The following MED12L variants were observed in gnomAD, a reference collection of about 807,000 sequenced individuals.
The protein encoded by MED12L is mediator of RNA polymerase II transcription subunit 12-like protein.
MED12L carries 60 observed loss-of-function variants against 281.3 expected under a neutral mutation model. The ratio of observed to expected loss-of-function variants is 0.21; its 90% CI spans 0.17 to 0.26. The LOEUF (loss-of-function observed/expected upper bound fraction) is 0.26. Among genes scored for constraint, MED12L ranks in the 10% least tolerant of loss-of-function variants. The pLI is 1.00. For synonymous variants in MED12L, 974 were observed against 987.2 expected (o/e 0.99, Z 0.25); for missense variants, 2,146 against 2,680.9 (o/e 0.80, Z 4.41).
At chr3:151,416,552 TAC>T in intron 43 of MED12L, 130 bp downstream of exon 43, 1 of 838,114 alleles carries the variant, frequency 1.2e-6, no homozygotes, top group Non-Finnish European at 1.9e-6. Flanking sequence ...CCTAGAACTT[TAC>T]TAGAGTTTTA....
chr3:151,128,353 C>T, intron 5 of MED12L, among the ~76,000 whole-genome samples: 1 of 152,220 alleles, frequency 6.6e-6, no homozygotes, highest in African/African-American at 2.4e-5. Flanking sequence ...AACTACTATA[C>T]TAATCTCCAA....
intron 42 of MED12L, among the ~76,000 whole-genome samples, chr3:151,413,924 T>G (rs1717254113): frequency 6.6e-6 from 1 of 151,744 alleles, no homozygotes; most frequent in African/African-American, 2.4e-5. Flanking sequence ...TCACCCAGGC[T>G]GGACAACCTC....
chr3:151,409,858 C>T (rs560399199), intron 40 of MED12L, among the ~76,000 whole-genome samples: 37 of 152,064 alleles, frequency 2.4e-4, no homozygotes, highest in Non-Finnish European at 4.0e-4. Context: ...CCCAGTTGCA[C>T]GGGAGGCTAA....
Position 151,086,959 on chromosome 3 carries a change from G to C in MED12L, c.33G>C (p.Gln11His). The change falls in exon 2 of 45, where the codon CAG (glutamine) becomes CAC (histidine). Residue 11 changes from glutamine (Q) to histidine (H), a missense_variant. Around this residue, in one of 9 missense-constraint regions of MED12L, gnomAD observed 44 missense variants for 39.7 expected, o/e 1.11. Transcript: ENST00000687756. MAAFGLLSYE[Q>H]RPLKRPRLGP... ...CCTTCGGGCTTCTCAGCTATGAGCA[G>C]AGACCGCTGAAGCGCCCCCGGCTCG... 1 of 1,609,548 alleles carries C rather than the reference G, an allele frequency of 6.2e-7. No homozygotes were observed. The highest frequency in any genetic ancestry group is 1.7e-5 in the Admixed American group (1 of 59,708).
chr3:151,356,988 A>G (rs543682503), intron 19 of MED12L, among the ~76,000 whole-genome samples: 28 of 152,316 alleles, frequency 1.8e-4, no homozygotes, highest in African/African-American at 6.3e-4. Flanking sequence ...CTGAAGTTTC[A>G]GTACCTTATT....
rs775657657 is a variant in MED12L, at chr3:151,372,732, A to G, written c.3830A>G (p.Tyr1277Cys). ...ISIETANLREYARYVLRTICQ... is the reference protein window; with the variant it reads ...ISIETANLRECARYVLRTICQ... ...ATAGAAACTGCCAATTTAAGAGAAT[A>G]CGCTAGATATGTACTGAGGACTATC... Residue 1277 changes from tyrosine to cysteine, a missense_variant, in exon 27 of 45, where the codon TAC (tyrosine) becomes TGC (cysteine). Transcript: ENST00000687756. 6.2e-7 allele frequency: 1 copy of G among 1,613,848 alleles called. No individual in the cohort carries two copies. The highest frequency in any genetic ancestry group is 8.5e-7 in the Non-Finnish European group (1 of 1,179,782).
chr3:151,352,394 T>C (rs1753344097), intron 17 of MED12L, among the ~76,000 whole-genome samples: 1 of 152,214 alleles, frequency 6.6e-6, no homozygotes, highest in Non-Finnish European at 1.5e-5. Context: ...TCTTTCATTT[T>C]AGATAAAGTT....
chr3:151,373,464 A>G (rs1027531991), intron 27 of MED12L, among the ~76,000 whole-genome samples: 2 of 152,038 alleles, frequency 1.3e-5, no homozygotes, highest in African/African-American at 4.8e-5. Context: ...AGACAGTGCA[A>G]ATTTTCTTCT....
intron 36 of MED12L, among the ~76,000 whole-genome samples, chr3:151,385,854 C>T (rs920010189): frequency 6.6e-6 from 1 of 152,012 alleles, no homozygotes; most frequent in African/African-American, 2.4e-5. Flanking sequence ...AGATGGTTCT[C>T]TAAAATATGA....
At chr3:151,213,859 G>A (rs775411484) in intron 16 of MED12L, 12 of 1,613,892 alleles carry the variant, frequency 7.4e-6, no homozygotes, top group Admixed American at 5.0e-5. Context: ...ATTTGGAACA[G>A]CAAGGAGGAG....
chr3:151,332,834 T>C, intron 16 of MED12L, among the ~76,000 whole-genome samples: 1 of 152,154 alleles, frequency 6.6e-6, no homozygotes, highest in Non-Finnish European at 1.5e-5. Flanking sequence ...ACAGATTATT[T>C]TGTCACCCAG....
chr3:151,397,089 T>G (rs1292695380), intron 39 of MED12L, among the ~76,000 whole-genome samples: 1 of 152,244 alleles, frequency 6.6e-6, no homozygotes, highest in African/African-American at 2.4e-5. Flanking sequence ...CTGATTCTTT[T>G]GTGCTAACTC....
At chr3:151,190,234 C>T (rs1020101102) in intron 13 of MED12L, among the ~76,000 whole-genome samples, 3 of 151,316 alleles carry the variant, frequency 2.0e-5, no homozygotes, top group East Asian at 3.9e-4. Flanking sequence ...TACAGTGGCA[C>T]GATCTTGGCT....
intron 11 of MED12L, among the ~76,000 whole-genome samples, chr3:151,169,045 T>A (rs1721062036): frequency 6.6e-6 from 1 of 152,122 alleles, no homozygotes; most frequent in Non-Finnish European, 1.5e-5. Context: ...TATATGTATA[T>A]GTAATCAAGT....
intron 16 of MED12L, among the ~76,000 whole-genome samples, chr3:151,206,640 A>ATGTTTT (rs1216609130): frequency 6.2e-5 from 1 of 16,016 alleles, no homozygotes; most frequent in African/African-American, 2.6e-4. Context: ...CTAACACATT[A>ATGTTTT]TCTTTTTTTT....
intron 11 of MED12L, among the ~76,000 whole-genome samples, chr3:151,172,836 G>A (rs769688140): frequency 4.6e-5 from 7 of 152,202 alleles, no homozygotes; most frequent in Admixed American, 1.3e-4. Context: ...AGTGTATTGT[G>A]CTTCAGAAGC....
chr3:151,303,154 G>A (rs1210914280), intron 16 of MED12L, among the ~76,000 whole-genome samples: 1 of 152,188 alleles, frequency 6.6e-6, no homozygotes, highest in Non-Finnish European at 1.5e-5. Context: ...TAAAGAATCT[G>A]TGGCTGAATG....
At chr3:151,132,748 C>T (rs984867862) in intron 5 of MED12L, among the ~76,000 whole-genome samples, 20 of 152,240 alleles carry the variant, frequency 1.3e-4, no homozygotes, top group Admixed American at 9.8e-4. Flanking sequence ...AGCATGTTTT[C>T]CAAATATCTA....
At chr3:151,356,360 C>G (rs1462764722) in intron 19 of MED12L, among the ~76,000 whole-genome samples, 1 of 151,942 alleles carries the variant, frequency 6.6e-6, no homozygotes, top group African/African-American at 2.4e-5. Flanking sequence ...CAACTGCACT[C>G]AAGCCTATGG....
Sources: allele counts gnomAD v4.1 joint callset (sites outside exome capture counted in the v4.1 genomes callset), GRCh38; gene constraint gnomAD v4.1.1; regional missense constraint gnomAD v4.1.1; transcripts MANE v1.5; gene names NCBI Gene and HGNC (gene_info 2026-07-23, HGNC 2026-07-21).